Variants in HUNK observed in about 807,000 individuals in gnomAD.
HUNK encodes the protein hormonally up-regulated Neu-associated kinase.
A neutral mutation model predicts 61.0 loss-of-function variants in HUNK; 21 were observed. The ratio of observed to expected loss-of-function variants is 0.34; its 90% CI spans 0.24 to 0.50. The LOEUF is 0.50. HUNK is among the 20% of genes least tolerant of loss of function. HUNK has a pLI of 0.98. For missense variants in HUNK, 772 were observed against 945.7 expected (o/e 0.82, Z 2.41); for synonymous variants, 371 against 386.1 (o/e 0.96, Z 0.46).
chr21:31,878,996 TA>T (rs1277019697), intron 1 of HUNK, among the ~76,000 whole-genome samples: 1 of 152,210 alleles, frequency 6.6e-6, no homozygotes, highest in Non-Finnish European at 1.5e-5. Context: ...GAACTATTTT[TA>T]GGCTAAGAGT....
At chr21:31,968,021 A>G (rs147670798) in intron 5 of HUNK, among the ~76,000 whole-genome samples, 14 of 152,082 alleles carry the variant, frequency 9.2e-5, no homozygotes, top group African/African-American at 3.1e-4. Context: ...AAAGAGAGAG[A>G]GGGGGAAATG....
intron 1 of HUNK, among the ~76,000 whole-genome samples, chr21:31,885,068 G>GTAATCCACC (rs2052336511): frequency 6.6e-6 from 1 of 152,058 alleles, no homozygotes; most frequent in African/African-American, 2.4e-5. Flanking sequence ...ACGAGTCATC[G>GTAATCCACC]CGCCTGGCCA....
chr21:31,988,070 T>C (rs2053146055), intron 8 of HUNK, among the ~76,000 whole-genome samples: 1 of 152,232 alleles, frequency 6.6e-6, no homozygotes, highest in Non-Finnish European at 1.5e-5. Flanking sequence ...TTGCAAAAAC[T>C]TCCCTCTTGG....
chr21:31,985,992 C>T (rs2053130157), intron 8 of HUNK, among the ~76,000 whole-genome samples: 1 of 152,062 alleles, frequency 6.6e-6, no homozygotes. Context: ...AGGATGGAGA[C>T]AAGCCCTTTG....
rs2052919442 is a variant in HUNK at position 31,960,436 on chromosome 21, T to C, written c.874+1466T>C. On this transcript the variant is annotated intron_variant, in intron 5 of 10. Transcript: ENST00000270112. ...TTAAAAACTTTTCATTGTGATGTAATTGTAGATGCACACACAATTGCTAGA... is the reference window on the plus strand; with the variant it reads ...TTAAAAACTTTTCATTGTGATGTAACTGTAGATGCACACACAATTGCTAGA... Among the ~76,000 whole-genome samples, 3 of 152,166 alleles carry C rather than the reference T, an allele frequency of 2.0e-5. No individual in the cohort carries two copies. In the South Asian group the frequency reaches 6.2e-4, roughly 32 times the overall value.
Position 32,000,870 on chromosome 21 carries a change from A to T in HUNK, c.*1686A>T. 1 of 397,686 alleles carries T rather than the reference A, an allele frequency of 2.5e-6. No homozygotes were observed. Among genetic ancestry groups the T allele is most frequent in the Non-Finnish European group, 4.4e-6 (1 of 226,036 alleles). 24.6% of individuals were successfully genotyped at this position (397,686 alleles called of 1,614,324 possible). ...ACCTGGAGCTGCCTGTTTCTTCCCT[A>T]GGGGATCACCACGGCTCTAGGGCAT... is the stretch of plus-strand genomic sequence containing the variant. On this transcript the variant is annotated 3_prime_UTR_variant, in exon 11 of 11. Coordinates refer to ENST00000270112, the MANE Select transcript of HUNK (RefSeq NM_014586.2).
At chr21:31,985,312 C>T (rs750422172) in intron 8 of HUNK, among the ~76,000 whole-genome samples, 2 of 152,220 alleles carry the variant, frequency 1.3e-5, no homozygotes, top group Non-Finnish European at 1.5e-5. Context: ...ATCCCATGAG[C>T]GGTGCACATC....
chr21:31,955,063 A>G (rs2052878873), intron 4 of HUNK, among the ~76,000 whole-genome samples: 1 of 152,076 alleles, frequency 6.6e-6, no homozygotes. Flanking sequence ...CTGGAATTAC[A>G]GGTGTGAGCC....
intron 1 of HUNK, among the ~76,000 whole-genome samples, chr21:31,889,603 A>G (rs1251558377): frequency 1.3e-5 from 2 of 152,244 alleles, no homozygotes; most frequent in Non-Finnish European, 2.9e-5. Flanking sequence ...CCAGGTTTTC[A>G]TAGTGTCATT....
chr21:31,877,931 A>T lies in HUNK; in HGVS notation c.261+3996A>T, dbSNP rs539523135. 1.2e-4 allele frequency among the ~76,000 whole-genome samples: 18 copies of T among 152,290 alleles called. 1 individual carries two copies. Among genetic ancestry groups the T allele is most frequent in the African/African-American group, 3.4e-4 (14 of 41,562 alleles). Reference sequence around the variant, plus strand: ...ATCAGATAATATCATCTGTCGACAGAATAAGGAAAGTGACTTACAGAAAAT... The same window carrying T: ...ATCAGATAATATCATCTGTCGACAGTATAAGGAAAGTGACTTACAGAAAAT... On this transcript the variant is annotated intron_variant, in intron 1 of 10. Transcript: ENST00000270112.
Position 31,905,709 on chromosome 21 carries a change from A to G in HUNK, c.262-18759A>G, listed in dbSNP as rs537498786. On this transcript the variant is annotated intron_variant, in intron 1 of 10. Transcript: ENST00000270112. ...TGCAGGAACACAAATTCTGCTTTGT[A>G]CAGACGGACACCATAAACGCACATG... is the stretch of plus-strand genomic sequence containing the variant. 2.0e-4 allele frequency among the ~76,000 whole-genome samples: 31 copies of G among 152,356 alleles called. No homozygotes were observed. The South Asian group carries it at 3.5e-3, about 17-fold the overall frequency.
At position 31,930,914 on chromosome 21, in the gene HUNK, G is replaced by A. The variant is rs150590929; in HGVS notation, c.554+6154G>A. On this transcript the variant is annotated intron_variant, in intron 2 of 10. Coordinates refer to ENST00000270112, the MANE Select transcript of HUNK (RefSeq NM_014586.2). Reference sequence around the variant, plus strand: ...ACAGAATTTGTTTCTGGAACATTACGGGAACTCAATAAAGGTTTCATTTTG... The same window carrying A: ...ACAGAATTTGTTTCTGGAACATTACAGGAACTCAATAAAGGTTTCATTTTG... Among the ~76,000 whole-genome samples the A allele has an allele frequency of 5.8e-4, 88 of 151,952 alleles. No individual in the cohort carries two copies. The East Asian group carries it at 8.3e-3, about 14-fold the overall frequency.
intron 2 of HUNK, among the ~76,000 whole-genome samples, chr21:31,934,442 CAAAA>C (rs35817125): frequency 2.3e-5 from 2 of 88,818 alleles, no homozygotes. Context: ...GACTCTGCCT[CAAAA>C]AAAAAAAAAA....
intron 5 of HUNK, among the ~76,000 whole-genome samples, chr21:31,962,011 G>T (rs942325717): frequency 6.6e-6 from 1 of 152,224 alleles, no homozygotes; most frequent in African/African-American, 2.4e-5. Context: ...ACATTGAAAG[G>T]TTCTGCCCAG....
At chr21:31,939,120 C>T (rs2052751547) in intron 2 of HUNK, among the ~76,000 whole-genome samples, 1 of 152,112 alleles carries the variant, frequency 6.6e-6, no homozygotes, top group South Asian at 2.1e-4. Context: ...CCTTCCACCT[C>T]CTCCCGTCAC....
chr21:31,930,549 T>C (rs1209489553), intron 2 of HUNK, among the ~76,000 whole-genome samples: 2 of 152,240 alleles, frequency 1.3e-5, no homozygotes, highest in Non-Finnish European at 2.9e-5. Flanking sequence ...GGCCATAGAC[T>C]CTCAGCACCC....
chr21:31,873,841 A>G lies in HUNK; in HGVS notation c.167A>G (p.Lys56Arg). The part of the protein sequence containing the change: ...RERLRDFQHH[K>R]RVGNYLIGSR... The stretch of plus-strand genomic sequence containing the variant: ...CGGCTCCGCGACTTCCAGCACCACA[A>G]GCGCGTGGGCAACTACCTCATCGGC... Residue 56 changes from lysine (K) to arginine (R), a missense_variant, in exon 1 of 11, where the codon AAG (lysine) becomes AGG (arginine). Around this residue, in one of 2 missense-constraint regions of HUNK, gnomAD observed 359 missense variants for 501.3 expected, o/e 0.72. Transcript: ENST00000270112. This position sits in a 1 kb window ranked among gnomAD's most constrained non-coding sequence, Gnocchi z 6.1. 6.3e-7 allele frequency: 1 copy of G among 1,585,504 alleles called. No homozygotes were observed. The highest frequency in any genetic ancestry group is 8.6e-7 in the Non-Finnish European group (1 of 1,168,404).
intron 1 of HUNK, among the ~76,000 whole-genome samples, chr21:31,899,263 G>A (rs2052446875): frequency 2.0e-5 from 3 of 152,150 alleles, no homozygotes; most frequent in Admixed American, 2.0e-4. Flanking sequence ...AGTTCTGGAG[G>A]CCAGAAGTAT....
chr21:31,917,936 A>G (rs1173959571), intron 1 of HUNK, among the ~76,000 whole-genome samples: 1 of 151,810 alleles, frequency 6.6e-6, no homozygotes. Context: ...ATTTAATTTC[A>G]CTCTGTAAAA....
Sources: gnomAD v4.1 joint callset for allele counts (sites outside exome capture counted in the v4.1 genomes callset) on GRCh38, gnomAD v4.1.1 for gene constraint, gnomAD v4.1.1 regional missense constraint, Gnocchi (gnomAD v3.1) non-coding constraint, MANE v1.5 for transcripts, NCBI Gene and HGNC (gene_info 2026-07-23, HGNC 2026-07-21) for gene names.